NDFIP1: variants seen among roughly 807,000 people sequenced by gnomAD.
NDFIP1 encodes the protein Nedd4 family interacting protein 1.
Under a neutral mutation model 28.8 loss-of-function variants are expected in NDFIP1, and 7 were observed. The ratio of observed to expected loss-of-function variants is 0.24; its 90% CI spans 0.14 to 0.46. The LOEUF is 0.46. Among genes scored for constraint, NDFIP1 ranks in the 20% least tolerant of loss-of-function variants. NDFIP1 has a pLI of 0.99. For synonymous variants in NDFIP1, 92 were observed against 101.0 expected (o/e 0.91, Z 0.53); for missense variants, 194 against 269.1 (o/e 0.72, Z 1.95).
At chr5:142,143,861 G>C (rs146216168) in intron 6 of NDFIP1, 1 of 152,212 alleles carries the variant, frequency 6.6e-6, no homozygotes, top group East Asian at 1.9e-4. Flanking sequence ...AATTAGCTGG[G>C]CATGAACCTG....
intron 3 of NDFIP1, among the ~76,000 whole-genome samples, chr5:142,133,261 A>T (rs1261560004): frequency 6.6e-6 from 1 of 152,232 alleles, no homozygotes; most frequent in African/African-American, 2.4e-5. Flanking sequence ...ATGTGCATTC[A>T]GTTCTTACAG....
At chr5:142,143,667 A>G (rs1325470916) in intron 6 of NDFIP1, 1 of 152,200 alleles carries the variant, frequency 6.6e-6, no homozygotes, top group East Asian at 1.9e-4. Flanking sequence ...TTGTGAATGT[A>G]TAGATTCTGG....
At chr5:142,144,820 G>T (rs1165560306) in intron 7 of NDFIP1, 144 bp downstream of exon 7, 2 of 498,200 alleles carry the variant, frequency 4.0e-6, no homozygotes, top group South Asian at 8.5e-5. Context: ...GCAGTTTCTT[G>T]TCTAGTAACA....
chr5:142,137,048 G>A (rs1436743482), intron 4 of NDFIP1, among the ~76,000 whole-genome samples: 2 of 142,432 alleles, frequency 1.4e-5, no homozygotes, highest in Non-Finnish European at 3.0e-5. Flanking sequence ...TCCAGCCTGG[G>A]TGACAGAGTG....
chr5:142,141,436 A>G (rs1461550541), intron 6 of NDFIP1, among the ~76,000 whole-genome samples: 1 of 151,898 alleles, frequency 6.6e-6, no homozygotes, highest in Non-Finnish European at 1.5e-5. Flanking sequence ...TCGGCCTCCC[A>G]AAGTGCTGGG....
In NDFIP1 at chr5:142,108,943, G is replaced by A; in HGVS notation, c.-32G>A. 1.4e-6 allele frequency: 2 copies of A among 1,424,786 alleles called. No homozygotes were observed. The highest frequency in any genetic ancestry group is 2.8e-5 in the Admixed American group (1 of 35,918). The allele number at this position is 1,424,786 out of a possible 1,614,324, so 88.3% of individuals were successfully genotyped here. On this transcript the variant is annotated 5_prime_UTR_variant, in exon 1 of 8. Transcript: ENST00000253814. ...CCGCGCCCCTTCAGCTAGCTCGCTC[G>A]CTCGCTCTGCTTCCCTGCTGCCGGC...
chr5:142,138,008 C>A, intron 5 of NDFIP1, 150 bp downstream of exon 5: 2 of 941,868 alleles, frequency 2.1e-6, no homozygotes, highest in South Asian at 2.2e-5. Flanking sequence ...GAAGCTGAAC[C>A]AAAATCATTT....
intron 1 of NDFIP1, among the ~76,000 whole-genome samples, chr5:142,124,239 G>A (rs1157414877): frequency 1.3e-5 from 2 of 152,100 alleles, no homozygotes; most frequent in Admixed American, 6.5e-5. Flanking sequence ...TAATTTTCTG[G>A]TGCCACCCCA....
intron 5 of NDFIP1, among the ~76,000 whole-genome samples, chr5:142,138,882 C>CT (rs11384112): frequency 0.92 from 135,362 of 147,256 alleles, 62,240 homozygotes; most frequent in East Asian, 0.99. Context: ...TAATTCCAGT[C>CT]TTTTTTTTTT....
At chr5:142,111,726 G>T (rs1757016215) in intron 1 of NDFIP1, among the ~76,000 whole-genome samples, 1 of 152,232 alleles carries the variant, frequency 6.6e-6, no homozygotes, top group Non-Finnish European at 1.5e-5. Context: ...TATTGGTAGT[G>T]TAATATGTGG....
At chr5:142,150,142 C>T (rs1307395493) in intron 7 of NDFIP1, among the ~76,000 whole-genome samples, 2 of 147,296 alleles carry the variant, frequency 1.4e-5, no homozygotes, top group Non-Finnish European at 3.0e-5. Context: ...AATTGTGCCA[C>T]TGCACTCCAG....
chr5:142,122,715 TGAC>T (rs1281183656), intron 1 of NDFIP1, among the ~76,000 whole-genome samples: 13 of 152,246 alleles, frequency 8.5e-5, no homozygotes, highest in African/African-American at 3.1e-4. Flanking sequence ...ATTTCTATAA[TGAC>T]TAATGAAATA....
intron 1 of NDFIP1, among the ~76,000 whole-genome samples, chr5:142,112,260 CTG>C (rs1757021718): frequency 6.6e-6 from 1 of 151,336 alleles, no homozygotes; most frequent in Admixed American, 6.6e-5. Context: ...TGGCGTGCAC[CTG>C]TAGTCCCAGC....
At position 142,120,342 on chromosome 5, in the gene NDFIP1, AC is replaced by A. The variant is rs541362222; in HGVS notation, c.63+11306del. Among the ~76,000 whole-genome samples, 18 of 152,198 alleles carry A rather than the reference AC, an allele frequency of 1.2e-4. No homozygotes were observed. In the East Asian group the frequency reaches 3.5e-3, roughly 29 times the overall value. On this transcript the variant is annotated intron_variant, in intron 1 of 7. Transcript: ENST00000253814. ...TCGTCTGTTTATAAATCTCATTTTC[AC>A]TTGTACTTCTACCAGTACCTGGTGC... is the stretch of plus-strand genomic sequence containing the variant.
chr5:142,124,733 C>T (rs974380867), intron 1 of NDFIP1, among the ~76,000 whole-genome samples: 5 of 151,968 alleles, frequency 3.3e-5, no homozygotes, highest in African/African-American at 1.2e-4. Flanking sequence ...TTTCATTTAT[C>T]TTTTCCATGG....
At chr5:142,117,674 C>T (rs17208670) in intron 1 of NDFIP1, among the ~76,000 whole-genome samples, 41,084 of 150,486 alleles carry the variant, frequency 0.27, 6,907 homozygotes, top group Non-Finnish European at 0.37. Flanking sequence ...CCTTTCCTCC[C>T]TATCTCTTTG....
rs1446703327 is a variant in NDFIP1, at chr5:142,152,337, A to G, written c.*609A>G. ...TAAATAATAAGCATTAATTTTTTAT[A>G]GCCTGTATTCACAATTCTGCGGTAC... is the stretch of plus-strand genomic sequence containing the variant. On this transcript the variant is annotated 3_prime_UTR_variant, in exon 8 of 8. Transcript: ENST00000253814. 2 of 152,430 alleles carry G rather than the reference A, an allele frequency of 1.3e-5. No homozygotes were observed. 9.4% of individuals were successfully genotyped at this position (152,430 alleles called of 1,614,324 possible).
Position 142,135,071 on chromosome 5 carries a change from C to T in NDFIP1, c.283-659C>T, listed in dbSNP as rs899875825. 5.3e-5 allele frequency among the ~76,000 whole-genome samples: 8 copies of T among 152,050 alleles called. No homozygotes were observed. In the South Asian group the frequency reaches 1.0e-3, roughly 20 times the overall value. ...TTGGCTCACTGCAAGCTCTGCCTCC[C>T]GGGTTCATGCCATTCTCCTGCCTTA... On this transcript the variant is annotated intron_variant, in intron 3 of 7. Coordinates refer to ENST00000253814, the MANE Select transcript of NDFIP1 (RefSeq NM_030571.4).
chr5:142,127,770 A>T (rs562527528), intron 1 of NDFIP1, among the ~76,000 whole-genome samples: 1 of 152,312 alleles, frequency 6.6e-6, no homozygotes, highest in South Asian at 2.1e-4. Flanking sequence ...AACCTGGCCA[A>T]CATGGCACAA....
Sources: allele counts gnomAD v4.1 joint callset (sites outside exome capture counted in the v4.1 genomes callset), GRCh38; gene constraint gnomAD v4.1.1; transcripts MANE v1.5; gene names NCBI Gene and HGNC (gene_info 2026-07-23, HGNC 2026-07-21).